The following LRRC4B variants were observed in gnomAD, a reference collection of about 807,000 sequenced individuals.
LRRC4B encodes the protein leucine rich repeat containing 4B, also known as leucine-rich repeat-containing protein 4B.
LRRC4B carries 1 observed loss-of-function variant against 7.3 expected under a neutral mutation model. That is an observed-to-expected ratio of 0.14 (90% CI 0.05 to 0.65). The LOEUF is 0.65. Ranked by LOEUF, LRRC4B falls within the 30% of genes least tolerant of loss-of-function variation. The pLI, the probability that LRRC4B is intolerant of heterozygous loss-of-function variation, is 0.84. For missense variants in LRRC4B, 730 were observed against 1,041.6 expected, an observed-to-expected ratio of 0.70 and a Z score of 4.12; for synonymous variants, 500 against 499.2, an observed-to-expected ratio of 1.00 and a Z score of -0.02.
At chr19:50,544,885 T>C (rs948535257) in intron 2 of LRRC4B, among the ~76,000 whole-genome samples, 1 of 150,622 alleles carries the variant, frequency 6.6e-6, no homozygotes, top group Non-Finnish European at 1.5e-5. Context: ...TGAGACCCTG[T>C]CTTCATAAAA....
rs774945426 is a variant in LRRC4B at position 50,519,104 on chromosome 19, G to A, written c.609C>T (p.Phe203=). Residue 203 remains phenylalanine, a synonymous_variant, in exon 3 of 3, where the codon TTC becomes TTT. Transcript: ENST00000652263. The surrounding 1 kb of genome is among the most constrained non-coding windows in gnomAD (Gnocchi z 8.1). The part of the protein sequence containing the change: ...KRLEYISEAA[F]EGLVNLRYLN... ...GGTAGCGCAGGTTGACCAGCCCCTCGAAGGCCGCCTCCGAGATGTATTCCA... is the reference window on the plus strand; with the variant it reads ...GGTAGCGCAGGTTGACCAGCCCCTCAAAGGCCGCCTCCGAGATGTATTCCA... The A allele has an allele frequency of 1.2e-5, 20 of 1,610,214 alleles. No homozygotes were observed. Among genetic ancestry groups the A allele is most frequent in the South Asian group, 5.5e-5 (5 of 91,076 alleles).
intron 2 of LRRC4B, among the ~76,000 whole-genome samples, chr19:50,524,532 G>C (rs2122786465): frequency 6.6e-6 from 1 of 152,214 alleles, no homozygotes; most frequent in African/African-American, 2.4e-5. Context: ...GGGATTATAG[G>C]TGTGAGCCAC....
chr19:50,525,903 C>T (rs1471694336), intron 2 of LRRC4B, among the ~76,000 whole-genome samples: 3 of 152,304 alleles, frequency 2.0e-5, no homozygotes, highest in African/African-American at 7.2e-5. Context: ...TGCCTGTAAT[C>T]CCAGCTATTT....
intron 1 of LRRC4B, among the ~76,000 whole-genome samples, chr19:50,561,306 C>T (rs987600891): frequency 7.2e-5 from 11 of 152,234 alleles, no homozygotes; most frequent in Non-Finnish European, 1.5e-4. Flanking sequence ...GATCCTACAA[C>T]CCCCACGTCG....
chr19:50,567,270 A>G lies in LRRC4B; in HGVS notation c.-36+674T>C, dbSNP rs569081883. Among the ~76,000 whole-genome samples the G allele has an allele frequency of 8.6e-5, 13 of 151,290 alleles. No individual in the cohort carries two copies. In the East Asian group the frequency reaches 1.6e-3, roughly 18 times the overall value. ...TGGGGTCAGGGAACGGGGGTCTTGG[A>G]GAGACGGAGGGGCAGGGGTCCGAGC... On this transcript the variant is annotated intron_variant, in intron 1 of 2. Coordinates refer to ENST00000652263, the MANE Select transcript of LRRC4B (RefSeq NM_001080457.2).
intron 2 of LRRC4B, among the ~76,000 whole-genome samples, chr19:50,543,335 G>GGTGTGTGT (rs143123202): frequency 0.023 from 3,394 of 145,186 alleles, 55 homozygotes; most frequent in Middle Eastern, 0.042. Context: ...GCCAGGCCCT[G>GGTGTGTGT]GTGTGTGTGT....
At chr19:50,562,393 G>A (rs529773304) in intron 1 of LRRC4B, among the ~76,000 whole-genome samples, 4 of 151,958 alleles carry the variant, frequency 2.6e-5, no homozygotes, top group Admixed American at 1.3e-4. Flanking sequence ...AGGAATACAC[G>A]GAAAAAATCC....
chr19:50,544,672 A>G (rs1981722960), intron 2 of LRRC4B, among the ~76,000 whole-genome samples: 1 of 152,194 alleles, frequency 6.6e-6, no homozygotes, highest in African/African-American at 2.4e-5. Context: ...CTGTGGGATT[A>G]TGGTTGGCTT....
At chr19:50,552,979 T>C (rs1342393687) in intron 1 of LRRC4B, among the ~76,000 whole-genome samples, 2 of 152,206 alleles carry the variant, frequency 1.3e-5, no homozygotes, top group Non-Finnish European at 2.9e-5. Flanking sequence ...GCCGGTGGCT[T>C]ATTCTCCCAA....
At chr19:50,534,491 C>A (rs1012858732) in intron 2 of LRRC4B, among the ~76,000 whole-genome samples, 1 of 152,228 alleles carries the variant, frequency 6.6e-6, no homozygotes, top group Non-Finnish European at 1.5e-5. Context: ...GGGGCCACCT[C>A]TGACAGCCAC....
chr19:50,544,363 T>C (rs1012605506), intron 2 of LRRC4B, among the ~76,000 whole-genome samples: 37 of 151,612 alleles, frequency 2.4e-4, no homozygotes, highest in South Asian at 4.2e-4. Context: ...AAAAATTAGC[T>C]GGGTGTGGTG....
At chr19:50,523,390 A>G (rs1980664173) in intron 2 of LRRC4B, among the ~76,000 whole-genome samples, 1 of 152,110 alleles carries the variant, frequency 6.6e-6, no homozygotes, top group African/African-American at 2.4e-5. Context: ...AAAAAAGAGA[A>G]AAAGAGGCCG....
intron 2 of LRRC4B, among the ~76,000 whole-genome samples, chr19:50,527,432 C>T (rs1285851849): frequency 6.6e-6 from 1 of 151,418 alleles, no homozygotes; most frequent in Non-Finnish European, 1.5e-5. Context: ...AATGATCCAC[C>T]CGCCTCAGTG....
chr19:50,516,984 C>A lies in LRRC4B; in HGVS notation c.*587G>T, dbSNP rs1047102459. On this transcript the variant is annotated 3_prime_UTR_variant, in exon 3 of 3. Transcript: ENST00000652263. ...GTAGTCGTTGACGCAAACCTCCCTT[C>A]AGTATCAAAAGTGTCTGTGGGGCAG... is the stretch of plus-strand genomic sequence containing the variant. 1 of 151,728 alleles carries A rather than the reference C, an allele frequency of 6.6e-6. No homozygotes were observed. The highest frequency in any genetic ancestry group is 1.5e-5 in the Non-Finnish European group (1 of 67,922). 9.4% of individuals were successfully genotyped at this position (151,728 alleles called of 1,614,324 possible).
At chr19:50,551,402 TGCA>T (rs1463017052) in intron 1 of LRRC4B, among the ~76,000 whole-genome samples, 2 of 150,922 alleles carry the variant, frequency 1.3e-5, no homozygotes, top group Admixed American at 1.3e-4. Context: ...CTTTGGCCAC[TGCA>T]GCAGTTCTCT....
chr19:50,541,379 A>G (rs113209578), intron 2 of LRRC4B, among the ~76,000 whole-genome samples: 39 of 148,558 alleles, frequency 2.6e-4, no homozygotes, highest in Non-Finnish European at 5.6e-4. Flanking sequence ...AAAAAAAAAA[A>G]AAAAAGAAAA....
intron 2 of LRRC4B, among the ~76,000 whole-genome samples, chr19:50,536,459 T>C (rs1981292521): frequency 6.6e-6 from 1 of 152,182 alleles, no homozygotes; most frequent in Non-Finnish European, 1.5e-5. Flanking sequence ...CTGAACGACC[T>C]CTTTCTGCAC....
chr19:50,538,349 C>T (rs1981383652), intron 2 of LRRC4B, among the ~76,000 whole-genome samples: 1 of 152,186 alleles, frequency 6.6e-6, no homozygotes, highest in African/African-American at 2.4e-5. Context: ...AGGCGCGAGC[C>T]ACCGCGCCCG....
At position 50,520,235 on chromosome 19, in the gene LRRC4B, AAAAAAAAAAAAAGAAG is replaced by A. The variant is rs1568716003; in HGVS notation, c.298-836_298-821del. ...AAAAAAAAAAAAAAAAAAAAAAAAA[AAAAAAAAAAAAAGAAG>A]AAAAGAAAAGAAAAATGAACAAACA... On this transcript the variant is annotated intron_variant, in intron 2 of 2. Coordinates refer to ENST00000652263, the MANE Select transcript of LRRC4B (RefSeq NM_001080457.2). Among the ~76,000 whole-genome samples, 56 of 70,298 alleles carry A rather than the reference AAAAAAAAAAAAAGAAG, an allele frequency of 8.0e-4. 13 individuals carry two copies. Among genetic ancestry groups the A allele is most frequent in the African/African-American group, 2.7e-3 (44 of 16,398 alleles). 46.1% of individuals were successfully genotyped at this position (70,298 alleles called of 152,430 possible). A position where few individuals can be genotyped will look rare whatever the true frequency, so the allele number is the denominator to read the frequency against.
Sources: gnomAD v4.1 joint callset for allele counts (sites outside exome capture counted in the v4.1 genomes callset) on GRCh38, gnomAD v4.1.1 for gene constraint, Gnocchi (gnomAD v3.1) non-coding constraint, MANE v1.5 for transcripts, NCBI Gene and HGNC (gene_info 2026-07-23, HGNC 2026-07-21) for gene names.